The following COMMD1 variants were observed in gnomAD, a reference collection of about 807,000 sequenced individuals.
The protein encoded by COMMD1 is COMM domain-containing protein 1.
Under a neutral mutation model 17.2 loss-of-function variants are expected in COMMD1, and 10 were observed. The ratio of observed to expected loss-of-function variants is 0.58; its 90% confidence interval spans 0.36 to 0.99. COMMD1 has a LOEUF of 0.99. Among genes scored for constraint, COMMD1 ranks in the 50% least tolerant of loss-of-function variants. The probability of loss-of-function intolerance (pLI) is 0.01; values close to 1 mark genes in which losing one functional copy is unlikely to be tolerated. For synonymous variants in COMMD1, 97 were observed against 91.6 expected (o/e 1.06, Z -0.34); for missense variants, 270 against 231.8 (o/e 1.17, Z -1.07).
At chr2:62,017,510 A>AT (rs1349195974) in intron 2 of COMMD1, among the ~76,000 whole-genome samples, 4 of 150,310 alleles carry the variant, frequency 2.7e-5, no homozygotes, top group East Asian at 1.9e-4. Flanking sequence ...TCTACAAAAA[A>AT]TTAAAAAAAA....
intron 2 of COMMD1, among the ~76,000 whole-genome samples, chr2:62,118,647 G>C (rs896497583): frequency 6.6e-6 from 1 of 152,172 alleles, no homozygotes; most frequent in African/African-American, 2.4e-5. Context: ...TGTGGGGTAG[G>C]AGAGATTTCT....
intron 1 of COMMD1, among the ~76,000 whole-genome samples, chr2:61,911,446 A>G (rs1669904234): frequency 6.6e-6 from 1 of 152,222 alleles, no homozygotes; most frequent in South Asian, 2.1e-4. Context: ...ATTGCACTCC[A>G]GCCTGGGCAA....
In COMMD1 at chr2:62,081,253, AT is replaced by A. The variant is rs34994117; in HGVS notation, c.463-54562del. ...TACCCTCTAGTTTTTCTCAATCTAGATTTTTTTTTTTTTTTTGAGACAGAGT... is the reference window on the plus strand; with the variant it reads ...TACCCTCTAGTTTTTCTCAATCTAGATTTTTTTTTTTTTTTGAGACAGAGT... On this transcript the variant is annotated intron_variant, in intron 2 of 2. Transcript: ENST00000311832. 8.5e-3 allele frequency among the ~76,000 whole-genome samples: 1,205 copies of A among 141,494 alleles called. 12 individuals are homozygous for A. The highest frequency in any genetic ancestry group is 0.023 in the African/African-American group (887 of 38,728). The allele number at this position is 141,494 out of a possible 152,430, so 92.8% of individuals were successfully genotyped here. A position where few individuals can be genotyped will look rare whatever the true frequency, so the allele number is the denominator to read the frequency against.
intron 1 of COMMD1, among the ~76,000 whole-genome samples, chr2:61,980,673 C>T (rs10172432): frequency 2.8e-4 from 41 of 144,850 alleles, no homozygotes; most frequent in African/African-American, 9.3e-4. Flanking sequence ...GAGTAGGTTG[C>T]GAAAATTTTC....
At chr2:62,046,123 G>A (rs980410465) in intron 2 of COMMD1, among the ~76,000 whole-genome samples, 1 of 152,178 alleles carries the variant, frequency 6.6e-6, no homozygotes, top group Non-Finnish European at 1.5e-5. Flanking sequence ...GAAGCAAGAT[G>A]GAGTCAACTC....
intron 2 of COMMD1, among the ~76,000 whole-genome samples, chr2:62,007,044 T>C (rs1669141440): frequency 6.6e-6 from 1 of 152,250 alleles, no homozygotes; most frequent in African/African-American, 2.4e-5. Context: ...CATTTAGTAC[T>C]GAATTGTTCT....
intron 2 of COMMD1, among the ~76,000 whole-genome samples, chr2:62,094,582 AT>A (rs1413930816): frequency 6.6e-6 from 1 of 152,228 alleles, no homozygotes; most frequent in Non-Finnish European, 1.5e-5. Flanking sequence ...AAGAAAAAAA[AT>A]CCACAGCATT....
chr2:62,008,834 G>A (rs988865050), intron 2 of COMMD1, among the ~76,000 whole-genome samples: 2 of 152,146 alleles, frequency 1.3e-5, no homozygotes, highest in Non-Finnish European at 2.9e-5. Context: ...AGGCAGGAGT[G>A]CAGTGGCATG....
intron 1 of COMMD1, among the ~76,000 whole-genome samples, chr2:61,890,698 G>A (rs1208085237): frequency 6.6e-6 from 1 of 151,746 alleles, no homozygotes; most frequent in Non-Finnish European, 1.5e-5. Context: ...AACATTAACC[G>A]GGGGTGTAAT....
At chr2:61,934,837 C>T (rs950299640) in intron 1 of COMMD1, among the ~76,000 whole-genome samples, 1 of 152,148 alleles carries the variant, frequency 6.6e-6, no homozygotes, top group African/African-American at 2.4e-5. Flanking sequence ...AGGCTGGTCT[C>T]ATACCCCTAG....
At chr2:62,060,238 G>T (rs1670822240) in intron 2 of COMMD1, among the ~76,000 whole-genome samples, 1 of 152,166 alleles carries the variant, frequency 6.6e-6, no homozygotes, top group Non-Finnish European at 1.5e-5. Context: ...GGCTGAGGTG[G>T]GAGGATCCCT....
At chr2:62,076,545 G>T (rs981058218) in intron 2 of COMMD1, among the ~76,000 whole-genome samples, 1 of 152,188 alleles carries the variant, frequency 6.6e-6, no homozygotes, top group Non-Finnish European at 1.5e-5. Context: ...CCTGGAGTTC[G>T]AGACCAGCCT....
chr2:62,075,416 C>T (rs1440192307), intron 2 of COMMD1, among the ~76,000 whole-genome samples: 2 of 152,180 alleles, frequency 1.3e-5, no homozygotes, highest in African/African-American at 4.8e-5. Context: ...TCCTCACTCC[C>T]ATCCTGCAAC....
chr2:61,982,795 T>A (rs190548988), intron 1 of COMMD1, among the ~76,000 whole-genome samples: 1 of 152,310 alleles, frequency 6.6e-6, no homozygotes, highest in East Asian at 1.9e-4. Context: ...ATCGTATGGT[T>A]TTTATCTGTT....
At chr2:61,938,194 G>A (rs1670650494) in intron 1 of COMMD1, among the ~76,000 whole-genome samples, 1 of 151,908 alleles carries the variant, frequency 6.6e-6, no homozygotes, top group Non-Finnish European at 1.5e-5. Context: ...ATTTCCTGAT[G>A]GTCCACACCT....
chr2:62,045,033 G>T (rs1038029328), intron 2 of COMMD1, among the ~76,000 whole-genome samples: 1 of 151,988 alleles, frequency 6.6e-6, no homozygotes, highest in African/African-American at 2.4e-5. Flanking sequence ...GTAGGGAAAG[G>T]GTTTAATTGA....
intron 2 of COMMD1, among the ~76,000 whole-genome samples, chr2:62,114,721 C>A (rs934723821): frequency 6.6e-6 from 1 of 152,206 alleles, no homozygotes; most frequent in Admixed American, 6.5e-5. Flanking sequence ...CTCTGCTGCA[C>A]TGGCCAGTGT....
chr2:61,923,426 T>C (rs1380551083), intron 1 of COMMD1, among the ~76,000 whole-genome samples: 1 of 151,976 alleles, frequency 6.6e-6, no homozygotes, highest in Non-Finnish European at 1.5e-5. Flanking sequence ...AGCTAAATGA[T>C]GAGAATTGAA....
chr2:61,919,196 A>G (rs2105190192), intron 1 of COMMD1, among the ~76,000 whole-genome samples: 1 of 152,034 alleles, frequency 6.6e-6, no homozygotes, highest in Admixed American at 6.5e-5. Context: ...TTTTTAGTAG[A>G]GACAGGGTTT....
Sources: allele counts gnomAD v4.1 joint callset (sites outside exome capture counted in the v4.1 genomes callset), GRCh38; gene constraint gnomAD v4.1.1; transcripts MANE v1.5; gene names NCBI Gene and HGNC (gene_info 2026-07-23, HGNC 2026-07-21).